The following RNF207 variants were observed in gnomAD, a reference collection of about 807,000 sequenced individuals.
The protein encoded by RNF207 is ring finger protein 207.
Under a neutral mutation model 79.0 loss-of-function variants are expected in RNF207, and 72 were observed. The observed-to-expected ratio is 0.91, with a 90% CI of 0.75 to 1.11. The LOEUF is 1.11. Ranked by LOEUF, RNF207 falls within the 50% of genes least tolerant of loss-of-function variation. The pLI, the probability that RNF207 is intolerant of heterozygous loss-of-function variation, is 0.00. For synonymous variants in RNF207, 348 were observed against 366.2 expected (o/e 0.95, Z 0.57); for missense variants, 936 against 855.8 (o/e 1.09, Z -1.17).
rs1308394484 is a variant in RNF207, at chr1:6,212,032, C to T, written c.1275C>T (p.Arg425=). The change falls in exon 13 of 18, where the codon CGC becomes CGT. Residue 425 remains arginine, a synonymous_variant. Transcript: ENST00000377939. The part of the protein sequence containing the change: ...GENTPFAEHC[R]HYEDSYRHLQ... The stretch of plus-strand genomic sequence containing the variant: ...ACACGCCCTTCGCAGAGCACTGCCG[C>T]CACTATGAGGACTCCTACCGGGTGA... 3 of 1,602,054 alleles carry T rather than the reference C, an allele frequency of 1.9e-6. No homozygotes were observed. The highest frequency in any genetic ancestry group is 2.6e-6 in the Non-Finnish European group (3 of 1,175,010).
chr1:6,213,274 A>G (rs1437627503), intron 16 of RNF207, 91 bp downstream of exon 16: 2 of 773,668 alleles, frequency 2.6e-6, no homozygotes, highest in Non-Finnish European at 4.3e-6. Flanking sequence ...TAATCCTAAC[A>G]CTTCGGGAGG....
rs533159943 is a variant in RNF207 at position 6,220,132 on chromosome 1, G to T, written c.*725G>T. 6.6e-6 allele frequency: 1 copy of T among 152,332 alleles called. No homozygotes were observed. The highest frequency in any genetic ancestry group is 2.1e-4 in the South Asian group (1 of 4,824). 9.4% of individuals were successfully genotyped at this position (152,332 alleles called of 1,614,324 possible). A position where few individuals can be genotyped will look rare whatever the true frequency, so the allele number is the denominator to read the frequency against. ...TTTAAAAGGTAATCATTTGTCAAGA[G>T]TAAAACCCAGAAGCTCTGACAGGCC... On this transcript the variant is annotated 3_prime_UTR_variant, in exon 18 of 18. Coordinates refer to ENST00000377939, the MANE Select transcript of RNF207 (RefSeq NM_207396.3).
Position 6,208,918 on chromosome 1 carries a change from A to C in RNF207, c.362A>C (p.Gln121Pro). The C allele has an allele frequency of 1.3e-6, 2 of 1,533,984 alleles. No homozygotes were observed. The highest frequency in any genetic ancestry group is 1.7e-6 in the Non-Finnish European group (2 of 1,145,272). ...ACGTACTTCTGCAACACGTGCGGAC[A>C]GCCCCTATGCGCGCGCTGCCGCGAC... is the stretch of plus-strand genomic sequence containing the variant. The part of the protein sequence containing the change: ...ETTYFCNTCG[Q>P]PLCARCRDET... Residue 121 changes from glutamine to proline, a missense_variant, in exon 4 of 18, where the codon CAG (glutamine) becomes CCG (proline). Gln to Pro is a moderately conservative substitution (Grantham distance 76, BLOSUM62 -1). Transcript: ENST00000377939.
At chr1:6,210,741 A>G (rs1668128206) in intron 10 of RNF207, 129 bp from the exon 11 acceptor site, 1 of 842,246 alleles carries the variant, frequency 1.2e-6, no homozygotes, top group South Asian at 1.6e-5. Flanking sequence ...GAGTCCCAGA[A>G]GAGGGCTGGC....
Position 6,212,714 on chromosome 1 carries a change from T to G in RNF207, c.1515T>G (p.Asn505Lys), listed in dbSNP as rs187452392. The G allele has an allele frequency of 1.2e-6, 2 of 1,613,902 alleles. No homozygotes were observed. Among genetic ancestry groups the G allele is most frequent in the Non-Finnish European group, 1.7e-6 (2 of 1,179,846 alleles). Residue 505 changes from asparagine to lysine, a missense_variant, in exon 15 of 18, where the codon AAT becomes AAG. Asn to Lys is a moderately conservative substitution (Grantham distance 94). Transcript: ENST00000377939. ...AGGAAGCCTATCAGCGAGTGGCTAATGAGCAGGAGATTTATGAAGGTTCCA... is the reference window on the plus strand; with the variant it reads ...AGGAAGCCTATCAGCGAGTGGCTAAGGAGCAGGAGATTTATGAAGGTTCCA... ...IWEEAYQRVA[N>K]EQEIYEAQLH...
Position 6,206,564 on chromosome 1 carries a change from A to T in RNF207, c.29A>T (p.Glu10Val). The part of the protein sequence containing the change: MSGAIFGPL[E>V]GPSSLDAPSI... ...TCGGGAGCTATCTTCGGGCCCCTGG[A>T]GGGCCCGAGCTCCCTGGATGCCCCG... is the stretch of plus-strand genomic sequence containing the variant. The change falls in exon 2 of 18, where the codon GAG becomes GTG. Residue 10 changes from glutamate to valine, a missense_variant. By Grantham distance (121) the Glu-to-Val change is moderately radical. Transcript: ENST00000377939. 1 of 1,595,344 alleles carries T rather than the reference A, an allele frequency of 6.3e-7. No individual in the cohort carries two copies. Among genetic ancestry groups the T allele is most frequent in the Non-Finnish European group, 8.5e-7 (1 of 1,177,262 alleles).
Position 6,219,245 on chromosome 1 carries a change from AGGAAGTGTCCC to A in RNF207, c.1748_1758del (p.Ser583LysfsTer9). On this transcript the variant is annotated frameshift_variant, in exon 18 of 18. Coordinates refer to ENST00000377939, the MANE Select transcript of RNF207 (RefSeq NM_207396.3). LOFTEE classifies it low-confidence loss of function (END_TRUNC). ...GAGGCTGTCCCTTTAGGAATAATCCAGGAAGTGTCCCGGAAAAGAGAGAGAAGACATCAGAG... is the reference window on the plus strand; with the variant it reads ...GAGGCTGTCCCTTTAGGAATAATCCAGGAAAAGAGAGAGAAGACATCAGAG... 1 of 1,610,462 alleles carries A rather than the reference AGGAAGTGTCCC, an allele frequency of 6.2e-7. No individual in the cohort carries two copies. Among genetic ancestry groups the A allele is most frequent in the Non-Finnish European group, 8.5e-7 (1 of 1,178,492 alleles).
intron 16 of RNF207, 127 bp from the exon 17 acceptor site, chr1:6,218,162 G>A (rs1301698754): frequency 3.1e-6 from 2 of 652,846 alleles, no homozygotes; most frequent in Non-Finnish European, 5.4e-6. Flanking sequence ...TATTTGAGGA[G>A]CAAAAGAATG....
At position 6,210,404 on chromosome 1, in the gene RNF207, T is replaced by G; in HGVS notation, c.908T>G (p.Leu303Trp). ...GTCATCTGCTCCTCCTTCCTCAGCT[T>G]GGCCAACAAGGCTGAGTTCCTGGAC... ...HLVICSSFLS[L>W]ANKAEFLDLG... The change falls in exon 10 of 18, where the codon TTG becomes TGG. Residue 303 changes from leucine to tryptophan, a missense_variant. Coordinates refer to ENST00000377939, the MANE Select transcript of RNF207 (RefSeq NM_207396.3). The G allele has an allele frequency of 4.3e-6, 7 of 1,613,670 alleles. No homozygotes were observed. The highest frequency in any genetic ancestry group is 5.9e-6 in the Non-Finnish European group (7 of 1,179,896).
In RNF207 at chr1:6,220,579, A is replaced by C. The variant is rs1347589463; in HGVS notation, c.*1172A>C. On this transcript the variant is annotated 3_prime_UTR_variant, in exon 18 of 18. Transcript: ENST00000377939. ...CTTTCCAGCAAGGGCAGAGCTCCTA[A>C]AGCCAGGGGTTAGCACCTGGCCAGC... The C allele has an allele frequency of 5.3e-5, 8 of 152,154 alleles. No homozygotes were observed. The highest frequency in any genetic ancestry group is 1.2e-4 in the Non-Finnish European group (8 of 68,038). 9.4% of individuals were successfully genotyped at this position (152,154 alleles called of 1,614,324 possible).
chr1:6,211,344 C>T lies in RNF207; in HGVS notation c.1109+226C>T, dbSNP rs558493390. 1.1e-4 allele frequency among the ~76,000 whole-genome samples: 17 copies of T among 152,274 alleles called. No homozygotes were observed. Among genetic ancestry groups the T allele is most frequent in the African/African-American group, 3.4e-4 (14 of 41,546 alleles). On this transcript the variant is annotated intron_variant, in intron 12 of 17. Coordinates refer to ENST00000377939, the MANE Select transcript of RNF207 (RefSeq NM_207396.3). This position sits in a 1 kb window ranked among gnomAD's most constrained non-coding sequence, Gnocchi z 4.2. ...CCTGGACCTGAAGTCCATGGCAGAC[C>T]GGGCTCGGAGCTTGGCTAAAGGAGG...
Position 6,207,569 on chromosome 1 carries a change from A to G in RNF207, c.324+58A>G. The G allele has an allele frequency of 6.5e-7, 1 of 1,540,796 alleles. No homozygotes were observed. The highest frequency in any genetic ancestry group is 8.8e-7 in the Non-Finnish European group (1 of 1,141,546). ...GAGGGTACCCGGTTGCACAGTCCCC[A>G]ATGCTTGCACATGCACTCAGCATGT... On this transcript the variant is annotated intron_variant, in intron 3 of 17. Transcript: ENST00000377939. This position sits in a 1 kb window ranked among gnomAD's most constrained non-coding sequence, Gnocchi z 4.5.
At chr1:6,212,763 C>T (rs773768641) in intron 15 of RNF207, 30 bp downstream of exon 15, 1 of 1,591,426 alleles carries the variant, frequency 6.3e-7, no homozygotes, top group South Asian at 1.1e-5. Context: ...CGAGTGAACC[C>T]TCTGTCCCTG....
intron 3 of RNF207, chr1:6,208,621 T>A: frequency 4.0e-6 from 2 of 504,374 alleles, no homozygotes; most frequent in Non-Finnish European, 6.9e-6. Flanking sequence ...TAAAATGTTT[T>A]ATAAAGGCAG....
Position 6,207,590 on chromosome 1 carries a change from C to A in RNF207, c.324+79C>A. On this transcript the variant is annotated intron_variant, in intron 3 of 17. Coordinates refer to ENST00000377939, the MANE Select transcript of RNF207 (RefSeq NM_207396.3). The surrounding 1 kb of genome is among the most constrained non-coding windows in gnomAD (Gnocchi z 4.5). ...CCCCAATGCTTGCACATGCACTCAG[C>A]ATGTCTTCAGAGGACGACCTGGCAG... is the stretch of plus-strand genomic sequence containing the variant. 1 of 1,475,430 alleles carries A rather than the reference C, an allele frequency of 6.8e-7. No homozygotes were observed. The highest frequency in any genetic ancestry group is 2.4e-5 in the East Asian group (1 of 41,248). 91.4% of individuals were successfully genotyped at this position (1,475,430 alleles called of 1,614,324 possible).
chr1:6,212,074 C>CCG (rs1668194136), intron 13 of RNF207, 21 bp downstream of exon 13: 2 of 1,558,808 alleles, frequency 1.3e-6, no homozygotes, highest in Non-Finnish European at 8.7e-7. Context: ...AGGGATCTGC[C>CCG]GGAGGGGGGA....
chr1:6,209,432 A>G lies in RNF207; in HGVS notation c.646A>G (p.Thr216Ala). The G allele has an allele frequency of 6.6e-7, 1 of 1,518,116 alleles. No individual in the cohort carries two copies. Among genetic ancestry groups the G allele is most frequent in the Non-Finnish European group, 8.8e-7 (1 of 1,138,400 alleles). 94.0% of individuals were successfully genotyped at this position (1,518,116 alleles called of 1,614,324 possible). ...QAVLAVKALQTATREAIALLQ... is the reference protein window; with the variant it reads ...QAVLAVKALQAATREAIALLQ... ...TCCCCAGGCCGTGAAGGCCCTGCAG[A>G]CGGCCACGCGGGAGGCCATCGCGCT... Residue 216 changes from threonine (T) to alanine (A), a missense_variant, in exon 7 of 18, where the codon ACG (threonine) becomes GCG (alanine). Physicochemically the swap from Thr to Ala is moderately conservative, Grantham distance 58. Coordinates refer to ENST00000377939, the MANE Select transcript of RNF207 (RefSeq NM_207396.3).
At chr1:6,209,076 A>ACTGAC in intron 4 of RNF207, 39 bp from the exon 5 acceptor site, 2 of 1,545,028 alleles carry the variant, frequency 1.3e-6, no homozygotes, top group Non-Finnish European at 1.7e-6. Flanking sequence ...CGGGGCGGGC[A>ACTGAC]CTGACCGGAG....
At chr1:6,214,630 CTTTT>C (rs144139448) in intron 16 of RNF207, among the ~76,000 whole-genome samples, 1 of 70,628 alleles carries the variant, frequency 1.4e-5, no homozygotes, top group Non-Finnish European at 2.6e-5. Flanking sequence ...ATATTTCTTT[CTTTT>C]TTTTTTTTTT....
Sources: allele counts gnomAD v4.1 joint callset (sites outside exome capture counted in the v4.1 genomes callset), GRCh38; gene constraint gnomAD v4.1.1; non-coding constraint Gnocchi (gnomAD v3.1); transcripts MANE v1.5; gene names NCBI Gene and HGNC (gene_info 2026-07-23, HGNC 2026-07-21).